The following TOMM40 variants were observed in gnomAD, a reference collection of about 807,000 sequenced individuals.
The protein encoded by TOMM40 is translocase of outer mitochondrial membrane 40, also known as mitochondrial import receptor subunit TOM40 homolog.
Under a neutral mutation model 38.4 loss-of-function variants are expected in TOMM40, and 9 were observed. That is an observed-to-expected ratio of 0.23 (90% CI 0.14 to 0.41). The LOEUF (loss-of-function observed/expected upper bound fraction) is 0.41. TOMM40 is among the 10% of genes least tolerant of loss of function. The probability of loss-of-function intolerance (pLI) is 1.00; values close to 1 mark genes in which losing one functional copy is unlikely to be tolerated. For synonymous variants in TOMM40, 184 were observed against 210.0 expected (o/e 0.88, Z 1.07); for missense variants, 299 against 486.5 (o/e 0.61, Z 3.63).
chr19:44,901,335 G>A (rs755101864), intron 8 of TOMM40, 25 bp downstream of exon 8: 163 of 1,604,440 alleles, frequency 1.0e-4, no homozygotes, highest in Non-Finnish European at 7.9e-5. Flanking sequence ...TCCCCTACGC[G>A]GGAAACAGGC....
intron 5 of TOMM40, among the ~76,000 whole-genome samples, chr19:44,894,418 C>T (rs888125867): frequency 5.9e-5 from 9 of 152,148 alleles, no homozygotes; most frequent in East Asian, 1.9e-4. Context: ...TGCGCTACCA[C>T]GCCTGGCTAA....
At chr19:44,897,698 C>T (rs981771507) in intron 5 of TOMM40, among the ~76,000 whole-genome samples, 5 of 150,576 alleles carry the variant, frequency 3.3e-5, no homozygotes, top group African/African-American at 4.9e-5. Context: ...CACTTGAACC[C>T]GGGAGGCAGA....
chr19:44,895,831 G>C (rs1056203858), intron 5 of TOMM40, among the ~76,000 whole-genome samples: 2 of 152,274 alleles, frequency 1.3e-5, no homozygotes, highest in Admixed American at 1.3e-4. Flanking sequence ...ACAGGTGTGA[G>C]CCACCGCGCC....
At chr19:44,897,157 C>T (rs1443901372) in intron 5 of TOMM40, among the ~76,000 whole-genome samples, 1 of 152,132 alleles carries the variant, frequency 6.6e-6, no homozygotes, top group Non-Finnish European at 1.5e-5. Flanking sequence ...CATGATCCCT[C>T]TGTCTGCTGT....
rs1367020560 is a variant in TOMM40 at position 44,891,604 on chromosome 19, C to G, written c.189C>G (p.Ala63=). ...AACGGACCCCCGGGGCTGCAACCGC[C>G]AGCGCCTCAGGGGCCGCCGAGGATG... ...SSERTPGAAT[A]SASGAAEDGA... is the part of the protein sequence containing the mutation. Residue 63 remains alanine (A), a synonymous_variant, in exon 1 of 9, where the codon GCC becomes GCG. Transcript: ENST00000426677. 9.5e-6 allele frequency: 14 copies of G among 1,474,890 alleles called. No individual in the cohort carries two copies. Among genetic ancestry groups the G allele is most frequent in the Non-Finnish European group, 1.2e-5 (13 of 1,117,448 alleles). 91.4% of individuals were successfully genotyped at this position (1,474,890 alleles called of 1,614,324 possible).
At chr19:44,899,414 G>A (rs1184851601) in intron 5 of TOMM40, among the ~76,000 whole-genome samples, 1 of 151,996 alleles carries the variant, frequency 6.6e-6, no homozygotes, top group African/African-American at 2.4e-5. Flanking sequence ...GCTCACTGCA[G>A]CCTCCACCTC....
Position 44,892,829 on chromosome 19 carries a change from C to T in TOMM40, c.343-8C>T. ...CCAGTATCGTCACAGCTCTCGCTTT[C>T]CTTCCAGGTCAACCACACAGTAGCC... On this transcript the variant is annotated splice_region_variant and splice_polypyrimidine_tract_variant and intron_variant, in intron 2 of 8. Transcript: ENST00000426677. 6.2e-7 allele frequency: 1 copy of T among 1,610,890 alleles called. No homozygotes were observed. Among genetic ancestry groups the T allele is most frequent in the Non-Finnish European group, 8.5e-7 (1 of 1,177,410 alleles).
intron 5 of TOMM40, among the ~76,000 whole-genome samples, chr19:44,900,258 A>G (rs1438011597): frequency 6.6e-6 from 1 of 152,102 alleles, no homozygotes; most frequent in African/African-American, 2.4e-5. Context: ...GCCAGCGTCC[A>G]TGGTCACCAG....
chr19:44,899,443 C>T (rs1174883930), intron 5 of TOMM40, among the ~76,000 whole-genome samples: 1 of 152,114 alleles, frequency 6.6e-6, no homozygotes, highest in Non-Finnish European at 1.5e-5. Flanking sequence ...AAGCAATCCT[C>T]CCACGTCCAC....
Position 44,891,445 on chromosome 19 carries a change from G to A in TOMM40, c.30G>A (p.Pro10=). Residue 10 remains proline (P), a synonymous_variant, in exon 1 of 9, where the codon CCG becomes CCA. Transcript: ENST00000426677. Reference sequence around the variant, plus strand: ...GGAACGTGTTGGCTGCCAGCTCGCCGCCCGCAGGGCCGCCACCGCCGCCTG... The same window carrying A: ...GGAACGTGTTGGCTGCCAGCTCGCCACCCGCAGGGCCGCCACCGCCGCCTG... MGNVLAASS[P]PAGPPPPPAP... The A allele has an allele frequency of 7.7e-7, 1 of 1,292,766 alleles. No homozygotes were observed. The allele number at this position is 1,292,766 out of a possible 1,614,324, so 80.1% of individuals were successfully genotyped here.
At chr19:44,891,734 C>CG in intron 1 of TOMM40, 45 bp downstream of exon 1, 1 of 1,396,872 alleles carries the variant, frequency 7.2e-7, no homozygotes, top group Non-Finnish European at 9.3e-7. Flanking sequence ...GCCTGGATCT[C>CG]GGGGGAAGGG....
chr19:44,894,158 A>G, intron 5 of TOMM40, 92 bp downstream of exon 5: 1 of 969,168 alleles, frequency 1.0e-6, no homozygotes, highest in African/African-American at 1.7e-5. Flanking sequence ...CTTTTCTGCC[A>G]CTGGAGAAGT....
chr19:44,898,527 T>TC lies in TOMM40; in HGVS notation c.644-2203_644-2202insC, dbSNP rs1343194885. Among the ~76,000 whole-genome samples the TC allele has an allele frequency of 9.1e-4, 83 of 90,988 alleles. 2 individuals carry two copies. Among genetic ancestry groups the TC allele is most frequent in the Middle Eastern group, 5.6e-3 (1 of 180 alleles). The allele number at this position is 90,988 out of a possible 152,430, so 59.7% of individuals were successfully genotyped here. On this transcript the variant is annotated intron_variant, in intron 5 of 8. Coordinates refer to ENST00000426677, the MANE Select transcript of TOMM40 (RefSeq NM_001128917.2). The stretch of plus-strand genomic sequence containing the variant: ...GTGTTGTTTCTTTTTTTTTTTTTCT[T>TC]TTTTTTTTTTTTTTGTCTTTTTGAG...
Position 44,892,824 on chromosome 19 carries a change from G to T in TOMM40, c.343-13G>T, listed in dbSNP as rs73936969. 1 of 1,605,964 alleles carries T rather than the reference G, an allele frequency of 6.2e-7. No homozygotes were observed. The highest frequency in any genetic ancestry group is 1.3e-5 in the African/African-American group (1 of 74,854). Reference sequence around the variant, plus strand: ...TCTGTCCAGTATCGTCACAGCTCTCGCTTTCCTTCCAGGTCAACCACACAG... The same window carrying T: ...TCTGTCCAGTATCGTCACAGCTCTCTCTTTCCTTCCAGGTCAACCACACAG... On this transcript the variant is annotated splice_polypyrimidine_tract_variant and intron_variant, in intron 2 of 8. Coordinates refer to ENST00000426677, the MANE Select transcript of TOMM40 (RefSeq NM_001128917.2).
chr19:44,891,613 A>G lies in TOMM40; in HGVS notation c.198A>G (p.Ser66=), dbSNP rs772262361. The change falls in exon 1 of 9, where the codon TCA becomes TCG. Residue 66 remains serine (S), a synonymous_variant. Transcript: ENST00000426677. ...CCGGGGCTGCAACCGCCAGCGCCTC[A>G]GGGGCCGCCGAGGATGGGGCCTGCG... ...RTPGAATASA[S]GAAEDGACGC... The G allele has an allele frequency of 1.7e-5, 25 of 1,483,044 alleles. No homozygotes were observed. Among genetic ancestry groups the G allele is most frequent in the East Asian group, 1.2e-4 (4 of 34,528 alleles). 91.9% of individuals were successfully genotyped at this position (1,483,044 alleles called of 1,614,324 possible).
Position 44,901,045 on chromosome 19 carries a change from A to G in TOMM40, c.784A>G (p.Thr262Ala). 4 of 1,614,232 alleles carry G rather than the reference A, an allele frequency of 2.5e-6. No homozygotes were observed. The highest frequency in any genetic ancestry group is 1.1e-5 in the South Asian group (1 of 91,082). ...GKYTLNNWLA[T>A]VTLGQAGMHA... Reference sequence around the variant, plus strand: ...TCTGACAGTGAACAACTGGTTGGCAACGGTAACGTTGGGCCAGGCGGGCAT... The same window carrying G: ...TCTGACAGTGAACAACTGGTTGGCAGCGGTAACGTTGGGCCAGGCGGGCAT... Residue 262 changes from threonine to alanine, a missense_variant, in exon 7 of 9, where the codon ACG becomes GCG. By Grantham distance (58) the Thr-to-Ala change is moderately conservative. Transcript: ENST00000426677.
intron 5 of TOMM40, 134 bp from the exon 6 acceptor site, chr19:44,900,596 G>A (rs1969659977): frequency 3.2e-6 from 5 of 1,547,090 alleles, no homozygotes; most frequent in Non-Finnish European, 4.4e-6. Context: ...GATGGGTTAG[G>A]AGAAAGGAGC....
Position 44,893,884 on chromosome 19 carries a change from G to A in TOMM40, c.537+3G>A, listed in dbSNP as rs370769578. On this transcript the variant is annotated splice_donor_region_variant and intron_variant, in intron 4 of 8. Coordinates refer to ENST00000426677, the MANE Select transcript of TOMM40 (RefSeq NM_001128917.2). The stretch of plus-strand genomic sequence containing the variant: ...TCAGGTCCAAGATGGCCATCCAGGT[G>A]AGTGGGGCACGGAGGCTGCTGCTCC... The A allele has an allele frequency of 3.1e-6, 5 of 1,612,170 alleles. No homozygotes were observed. The African/African-American group carries it at 6.7e-5, about 22-fold the overall frequency.
At chr19:44,900,262 TCAC>T (rs1384652573) in intron 5 of TOMM40, among the ~76,000 whole-genome samples, 1 of 152,120 alleles carries the variant, frequency 6.6e-6, no homozygotes, top group African/African-American at 2.4e-5. Context: ...GCGTCCATGG[TCAC>T]CAGCCAGCCT....
Sources: allele counts gnomAD v4.1 joint callset (sites outside exome capture counted in the v4.1 genomes callset), GRCh38; gene constraint gnomAD v4.1.1; transcripts MANE v1.5; gene names NCBI Gene and HGNC (gene_info 2026-07-23, HGNC 2026-07-21).